The following AKT3 variants were observed in gnomAD, a reference collection of about 807,000 sequenced individuals.
AKT3 encodes the protein AKT serine/threonine kinase 3, also known as RAC-gamma serine/threonine-protein kinase.
In AKT3, 15 loss-of-function variants were observed where a neutral mutation model predicts 65.3. The observed-to-expected ratio is 0.23, with a 90% CI of 0.15 to 0.35. The LOEUF is 0.35. AKT3 is among the 10% of genes least tolerant of loss of function. The pLI, the probability that AKT3 is intolerant of heterozygous loss-of-function variation, is 1.00. For missense variants in AKT3, 243 were observed against 576.5 expected, an observed-to-expected ratio of 0.42 and a Z score of 5.92; for synonymous variants, 206 against 183.8, an observed-to-expected ratio of 1.12 and a Z score of -0.98.
chr1:243,613,790 A>AATT (rs1230715453), intron 7 of AKT3, 51 bp from the exon 8 acceptor site: 47 of 1,173,652 alleles, frequency 4.0e-5, no homozygotes, highest in Non-Finnish European at 5.5e-5. Context: ...GTATTCTTAT[A>AATT]ATTATAATAG....
chr1:243,820,903 A>C (rs1168547707), intron 2 of AKT3, among the ~76,000 whole-genome samples: 2 of 152,156 alleles, frequency 1.3e-5, no homozygotes, highest in Non-Finnish European at 2.9e-5. Context: ...AGTAAGACAG[A>C]CCAACATTCA....
intron 2 of AKT3, among the ~76,000 whole-genome samples, chr1:243,742,621 T>C (rs1246761570): frequency 6.6e-6 from 1 of 152,200 alleles, no homozygotes; most frequent in Non-Finnish European, 1.5e-5. Flanking sequence ...CGAGACTCCA[T>C]CTCAATAAAT....
intron 2 of AKT3, among the ~76,000 whole-genome samples, chr1:243,711,313 G>C (rs1686138809): frequency 6.6e-6 from 1 of 152,158 alleles, no homozygotes. Context: ...GGGTGACGGA[G>C]TGAGACTCCA....
intron 8 of AKT3, among the ~76,000 whole-genome samples, chr1:243,588,191 T>C (rs1675939280): frequency 6.6e-6 from 1 of 152,170 alleles, no homozygotes; most frequent in Admixed American, 6.5e-5. Flanking sequence ...GAGGAAGCTA[T>C]ACAGAATCTG....
At chr1:243,590,776 T>C (rs780864317) in intron 8 of AKT3, among the ~76,000 whole-genome samples, 10 of 152,196 alleles carry the variant, frequency 6.6e-5, no homozygotes, top group Non-Finnish European at 1.0e-4. Flanking sequence ...CAGTGACCTG[T>C]TGGACAGTAT....
At chr1:243,642,586 G>A (rs1427086461) in intron 5 of AKT3, among the ~76,000 whole-genome samples, 1 of 152,186 alleles carries the variant, frequency 6.6e-6, no homozygotes, top group East Asian at 1.9e-4. Context: ...TGGGATTACA[G>A]GCGTGAGCCA....
At chr1:243,589,527 A>AG (rs1676078307) in intron 8 of AKT3, among the ~76,000 whole-genome samples, 3 of 152,086 alleles carry the variant, frequency 2.0e-5, no homozygotes, top group Non-Finnish European at 2.9e-5. Flanking sequence ...AAAAAAGATG[A>AG]GATAGCAAGT....
chr1:243,563,668 T>C (rs993761212), intron 10 of AKT3, 52 bp downstream of exon 10: 1 of 1,544,318 alleles, frequency 6.5e-7, no homozygotes, highest in Non-Finnish European at 8.7e-7. Flanking sequence ...ATGGTTTACT[T>C]TGCAAATCAT....
intron 6 of AKT3, among the ~76,000 whole-genome samples, chr1:243,629,533 C>T (rs1362180272): frequency 6.6e-6 from 1 of 152,124 alleles, no homozygotes; most frequent in East Asian, 1.9e-4. Context: ...TGGCTCATGC[C>T]TGTAATCCCA....
rs574714310 is a variant in AKT3 at position 243,715,493 on chromosome 1, G to A, written c.47-19777C>T. On this transcript the variant is annotated intron_variant, in intron 2 of 13. Coordinates refer to ENST00000673466, the MANE Select transcript of AKT3 (RefSeq NM_005465.7). ...GACAGATGTTTTGATTGAGAAATATGTGACCAACAACAGAAGTCTGATTCT... is the reference window on the plus strand; with the variant it reads ...GACAGATGTTTTGATTGAGAAATATATGACCAACAACAGAAGTCTGATTCT... Among the ~76,000 whole-genome samples, 42 of 152,190 alleles carry A rather than the reference G, an allele frequency of 2.8e-4. 1 individual carries two copies. The East Asian group carries it at 8.1e-3, about 29-fold the overall frequency.
chr1:243,531,687 C>T (rs867064867), intron 12 of AKT3, among the ~76,000 whole-genome samples: 2 of 152,172 alleles, frequency 1.3e-5, no homozygotes, highest in Non-Finnish European at 1.5e-5. Context: ...AAAAACTGCA[C>T]TGAATCTGTA....
chr1:243,839,538 A>G (rs1056143691), intron 2 of AKT3, among the ~76,000 whole-genome samples: 3 of 152,190 alleles, frequency 2.0e-5, no homozygotes, highest in Non-Finnish European at 4.4e-5. Flanking sequence ...CTCAATTAAT[A>G]CTTATCATTT....
chr1:243,752,344 T>C (rs1267098203), intron 2 of AKT3, among the ~76,000 whole-genome samples: 4 of 152,216 alleles, frequency 2.6e-5, no homozygotes, highest in Non-Finnish European at 5.9e-5. Context: ...CGAACAGCTT[T>C]GATTCTGAAA....
chr1:243,796,950 T>C (rs1692057172), intron 2 of AKT3, among the ~76,000 whole-genome samples: 1 of 152,056 alleles, frequency 6.6e-6, no homozygotes. Context: ...AAAGAATGGT[T>C]GTTGTTAGGG....
intron 2 of AKT3, among the ~76,000 whole-genome samples, chr1:243,814,245 C>T (rs984445050): frequency 2.0e-5 from 3 of 152,100 alleles, no homozygotes; most frequent in Non-Finnish European, 4.4e-5. Context: ...TCTTTCCAAT[C>T]ACTGTAAACA....
At chr1:243,612,984 A>G (rs1054008769) in intron 8 of AKT3, 1 of 148,994 alleles carries the variant, frequency 6.7e-6, no homozygotes, top group Non-Finnish European at 1.5e-5. Flanking sequence ...GGTGGTAGTA[A>G]GCTTAGATTG....
At chr1:243,797,191 A>G (rs1692077123) in intron 2 of AKT3, among the ~76,000 whole-genome samples, 1 of 152,112 alleles carries the variant, frequency 6.6e-6, no homozygotes, top group African/African-American at 2.4e-5. Context: ...AGCAAGATAA[A>G]AAATAAGAGT....
chr1:243,597,407 G>A (rs1159598703), intron 8 of AKT3, among the ~76,000 whole-genome samples: 2 of 152,110 alleles, frequency 1.3e-5, no homozygotes, highest in Admixed American at 1.3e-4. Flanking sequence ...ATTTCTAGAT[G>A]GTAAGATTTA....
chr1:243,589,632 T>G (rs567248534), intron 8 of AKT3, among the ~76,000 whole-genome samples: 1 of 152,140 alleles, frequency 6.6e-6, no homozygotes, highest in South Asian at 2.1e-4. Flanking sequence ...GGAGGCTCCA[T>G]AAGAAACGAA....
Sources: allele counts gnomAD v4.1 joint callset (sites outside exome capture counted in the v4.1 genomes callset), GRCh38; gene constraint gnomAD v4.1.1; transcripts MANE v1.5; gene names NCBI Gene and HGNC (gene_info 2026-07-23, HGNC 2026-07-21).